DNM3: variants seen among roughly 807,000 people sequenced by gnomAD.
The protein encoded by DNM3 is dynamin 3.
Under a neutral mutation model 101.6 loss-of-function variants are expected in DNM3, and 47 were observed. The ratio of observed to expected loss-of-function variants is 0.46; its 90% CI spans 0.37 to 0.59. The LOEUF is 0.59. DNM3 is among the 20% of genes least tolerant of loss of function. The probability of loss-of-function intolerance (pLI) is 0.00; values close to 1 mark genes in which losing one functional copy is unlikely to be tolerated. For synonymous variants in DNM3, 385 were observed against 387.9 expected, an observed-to-expected ratio of 0.99 and a Z score of 0.09; for missense variants, 849 against 1,085.7, an observed-to-expected ratio of 0.78 and a Z score of 3.06.
At chr1:172,138,983 G>A (rs2057414157) in intron 14 of DNM3, 1 of 468,246 alleles carries the variant, frequency 2.1e-6, no homozygotes, top group African/African-American at 2.0e-5. Context: ...ATTTTGGAGA[G>A]TAAGGGGAAA....
At chr1:172,283,780 A>AAAAAAAAAAAAAAGAAAG (rs1553221113) in intron 15 of DNM3, among the ~76,000 whole-genome samples, 11 of 119,108 alleles carry the variant, frequency 9.2e-5, no homozygotes, top group East Asian at 2.6e-4. Flanking sequence ...AAAAAAAAAA[A>AAAAAAAAAAAAAAGAAAG]AAAGAAAGAA....
At chr1:172,205,269 C>T (rs1231313010) in intron 14 of DNM3, among the ~76,000 whole-genome samples, 1 of 152,060 alleles carries the variant, frequency 6.6e-6, no homozygotes, top group Non-Finnish European at 1.5e-5. Context: ...GAAGCCTATT[C>T]CTATTTCCAT....
chr1:172,151,737 G>A (rs141243972), intron 14 of DNM3, among the ~76,000 whole-genome samples: 1 of 152,112 alleles, frequency 6.6e-6, no homozygotes. Context: ...AACTACTAGG[G>A]CAGGTGCTTG....
At chr1:172,165,569 C>T (rs2058715176) in intron 14 of DNM3, among the ~76,000 whole-genome samples, 1 of 151,962 alleles carries the variant, frequency 6.6e-6, no homozygotes, top group Admixed American at 6.6e-5. Context: ...GATCCCTAGC[C>T]AAACTGGGCT....
At chr1:172,387,020 C>CTTTGGTGGAG in intron 18 of DNM3, 113 bp from the exon 19 acceptor site, 2 of 851,518 alleles carry the variant, frequency 2.3e-6, no homozygotes, top group South Asian at 3.2e-5. Flanking sequence ...CCAGGGTGGA[C>CTTTGGTGGAG]TTTGGTGGAC....
At chr1:172,228,894 A>C (rs2061235030) in intron 14 of DNM3, among the ~76,000 whole-genome samples, 6 of 152,124 alleles carry the variant, frequency 3.9e-5, no homozygotes, top group Admixed American at 6.6e-5. Context: ...AAAGTGTGAA[A>C]ATAAATTTTT....
chr1:172,219,092 C>A (rs936129819), intron 14 of DNM3, among the ~76,000 whole-genome samples: 2 of 152,004 alleles, frequency 1.3e-5, no homozygotes, highest in Non-Finnish European at 2.9e-5. Context: ...ATGGCTCATG[C>A]CTGTAATCGC....
intron 14 of DNM3, among the ~76,000 whole-genome samples, chr1:172,173,085 A>G (rs541018666): frequency 1.8e-4 from 28 of 151,916 alleles, no homozygotes; most frequent in African/African-American, 6.7e-4. Flanking sequence ...TTATTCTGGT[A>G]GAGGTGTGAA....
At chr1:171,898,030 C>T (rs1342734563) in intron 1 of DNM3, among the ~76,000 whole-genome samples, 1 of 151,796 alleles carries the variant, frequency 6.6e-6, no homozygotes, top group African/African-American at 2.4e-5. Context: ...TTTTCCTATT[C>T]AGGATATGTA....
intron 2 of DNM3, among the ~76,000 whole-genome samples, chr1:171,979,178 AG>A (rs1266960252): frequency 6.6e-6 from 1 of 152,188 alleles, no homozygotes; most frequent in African/African-American, 2.4e-5. Flanking sequence ...TTCAGGGAAG[AG>A]GAGGACAATC....
At chr1:172,218,267 A>G (rs2060777288) in intron 14 of DNM3, among the ~76,000 whole-genome samples, 2 of 152,166 alleles carry the variant, frequency 1.3e-5, no homozygotes. Flanking sequence ...TCTGTAGCCC[A>G]ATGAGAATTA....
At chr1:171,895,107 T>A (rs184924437) in intron 1 of DNM3, among the ~76,000 whole-genome samples, 80 of 152,314 alleles carry the variant, frequency 5.3e-4, no homozygotes, top group Non-Finnish European at 9.0e-4. Context: ...TACGTGTGCA[T>A]GTGTCTTTAT....
intron 11 of DNM3, among the ~76,000 whole-genome samples, chr1:172,074,915 A>G (rs1014047254): frequency 3.0e-4 from 45 of 152,352 alleles, no homozygotes; most frequent in African/African-American, 1.1e-3. Context: ...TGGTTGAACT[A>G]ATTTACACTC....
intron 14 of DNM3, among the ~76,000 whole-genome samples, chr1:172,234,448 G>A (rs1215678294): frequency 6.6e-6 from 1 of 152,070 alleles, no homozygotes; most frequent in Middle Eastern, 3.2e-3. Context: ...CATGAAAATG[G>A]CCATACTGCC....
chr1:172,133,531 T>G, intron 14 of DNM3: 1 of 733,646 alleles, frequency 1.4e-6, no homozygotes, highest in Non-Finnish European at 1.7e-6. Flanking sequence ...TAGGAAAGGG[T>G]AGTTTCATCC....
chr1:172,205,990 G>A (rs564504950), intron 14 of DNM3, among the ~76,000 whole-genome samples: 5 of 152,170 alleles, frequency 3.3e-5, no homozygotes, highest in East Asian at 1.9e-4. Flanking sequence ...GTCATTTGAA[G>A]CATATTGGTT....
intron 6 of DNM3, 36 bp from the exon 7 acceptor site, chr1:172,038,283 A>G: frequency 2.5e-6 from 4 of 1,611,562 alleles, no homozygotes; most frequent in Non-Finnish European, 3.4e-6. Flanking sequence ...ATATGATTCA[A>G]TCTTCAATCT....
chr1:172,137,647 A>T (rs976609614), intron 14 of DNM3: 1 of 152,196 alleles, frequency 6.6e-6, no homozygotes, highest in Non-Finnish European at 1.5e-5. Flanking sequence ...TTTAATTGTT[A>T]AATGTGAAAA....
chr1:172,032,371 T>C, intron 4 of DNM3, 31 bp from the exon 5 acceptor site: 1 of 1,519,216 alleles, frequency 6.6e-7, no homozygotes, highest in Non-Finnish European at 9.1e-7. Context: ...CTTCTGCAAA[T>C]TGTGTAATGT....
Sources: gnomAD v4.1 joint callset for allele counts (sites outside exome capture counted in the v4.1 genomes callset) on GRCh38, gnomAD v4.1.1 for gene constraint, MANE v1.5 for transcripts, NCBI Gene and HGNC (gene_info 2026-07-23, HGNC 2026-07-21) for gene names.